EFHC2: variants seen among roughly 807,000 people sequenced by gnomAD.
EFHC2 encodes EF-hand domain containing 2, also known as EF-hand domain-containing family member C2.
Under a neutral mutation model 52.7 loss-of-function variants are expected in EFHC2, and 18 were observed. The ratio of observed to expected loss-of-function variants is 0.34; its 90% CI spans 0.24 to 0.51. The LOEUF is 0.51. EFHC2 is among the 20% of genes least tolerant of loss of function. The pLI is 0.97. For missense variants in EFHC2, 513 were observed against 562.5 expected, an observed-to-expected ratio of 0.91 and a Z score of 0.89; for synonymous variants, 203 against 204.1, an observed-to-expected ratio of 0.99 and a Z score of 0.04.
intron 2 of EFHC2, chrX:44,309,300 C>T: frequency 2.9e-6 from 2 of 682,218 alleles, no homozygotes; most frequent in Non-Finnish European, 4.6e-6. Context: ...AATAAGGGCA[C>T]ATCTTCAGTT....
At chrX:44,202,667 C>T (rs759276075) in intron 11 of EFHC2, among the ~76,000 whole-genome samples, 94 of 111,207 alleles carry the variant, frequency 8.5e-4, no homozygotes, top group Middle Eastern at 4.6e-3. Flanking sequence ...GGGTACCACA[C>T]CAGCTGTGCA....
chrX:44,309,845 G>T, intron 2 of EFHC2: 4 of 1,178,010 alleles, frequency 3.4e-6, no homozygotes, highest in South Asian at 1.8e-5. Context: ...CCAATCCAGC[G>T]CAAGGCCCAA....
chrX:44,169,249 G>A (rs1320185450), intron 13 of EFHC2, among the ~76,000 whole-genome samples: 1 of 110,577 alleles, frequency 9.0e-6, no homozygotes, highest in East Asian at 2.8e-4. Flanking sequence ...ATCCAAATTC[G>A]AGAGCTCTAA....
chrX:44,319,488 C>T lies in EFHC2; in HGVS notation c.43-6732G>A, dbSNP rs190753271. On this transcript the variant is annotated intron_variant, in intron 1 of 14. Transcript: ENST00000420999. The stretch of plus-strand genomic sequence containing the variant: ...GTAATGGAGACGATTTCAGAGGGCG[C>T]GCAAGAATGTTCATCTTCCTCTATC... Among the ~76,000 whole-genome samples the T allele has an allele frequency of 1.2e-3, 134 of 111,447 alleles. 1 individual carries two copies. The highest frequency in any genetic ancestry group is 4.0e-3 in the African/African-American group (124 of 30,659).
intron 1 of EFHC2, among the ~76,000 whole-genome samples, chrX:44,333,900 T>C (rs1254816081): frequency 9.0e-6 from 1 of 111,456 alleles, no homozygotes; most frequent in Non-Finnish European, 1.9e-5. Flanking sequence ...TGGTTACATG[T>C]AGTTGTGATG....
chrX:44,310,431 G>T, intron 2 of EFHC2: 3 of 976,282 alleles, frequency 3.1e-6, no homozygotes, highest in Non-Finnish European at 4.1e-6. Context: ...AGCTGCAGCT[G>T]CTGCGGGTCC....
chrX:44,220,967 C>T (rs901172270), intron 11 of EFHC2, among the ~76,000 whole-genome samples: 39 of 111,730 alleles, frequency 3.5e-4, no homozygotes, highest in Non-Finnish European at 7.4e-4. Flanking sequence ...TACCTGTTAC[C>T]ACACATGTTC....
At chrX:44,320,662 CTTTCAA>C (rs2038012918) in intron 1 of EFHC2, among the ~76,000 whole-genome samples, 1 of 110,906 alleles carries the variant, frequency 9.0e-6, no homozygotes, top group African/African-American at 3.3e-5. Flanking sequence ...ACACTCAAGT[CTTTCAA>C]CTCTTAGAGG....
At chrX:44,280,030 TACACACACACACACACAC>T (rs766337222) in intron 2 of EFHC2, among the ~76,000 whole-genome samples, 1 of 66,834 alleles carries the variant, frequency 1.5e-5, no homozygotes, top group African/African-American at 6.1e-5. Flanking sequence ...CCATCCCCCA[TACACACACACACACACAC>T]ACACACACAC....
intron 1 of EFHC2, among the ~76,000 whole-genome samples, chrX:44,335,916 T>G (rs1463152897): frequency 1.0e-5 from 1 of 99,637 alleles, no homozygotes; most frequent in Non-Finnish European, 2.1e-5. Context: ...AAAATGACTT[T>G]CAAAACTCAT....
chrX:44,232,633 G>A lies in EFHC2; in HGVS notation c.1468C>T (p.Pro490Ser). 8.3e-7 allele frequency: 1 copy of A among 1,197,697 alleles called. No individual in the cohort carries two copies. The highest frequency in any genetic ancestry group is 1.1e-6 in the Non-Finnish European group (1 of 888,188). ...TCACTTTTAAAGACTTCTTGTCCAG[G>A]CTTCTTAACGCGACTTCTTTTCAAG... ...MFLKRSRVKK[P>S]GQEVFKSELS... Residue 490 changes from proline (P) to serine (S), a missense_variant, in exon 10 of 15, where the codon CCT becomes TCT. Physicochemically the swap from Pro to Ser is moderately conservative, Grantham distance 74. Transcript: ENST00000420999.
chrX:44,198,278 C>A (rs1487191927), intron 11 of EFHC2, among the ~76,000 whole-genome samples: 1 of 111,487 alleles, frequency 9.0e-6, no homozygotes, highest in Non-Finnish European at 1.9e-5. Context: ...TTCTAAAATG[C>A]CAATAATTTT....
chrX:44,157,804 C>T (rs1049736892), intron 14 of EFHC2, among the ~76,000 whole-genome samples: 3 of 101,954 alleles, frequency 2.9e-5, no homozygotes, highest in Non-Finnish European at 5.9e-5. Context: ...TTATCAAATC[C>T]ATCTCCAGGA....
intron 14 of EFHC2, among the ~76,000 whole-genome samples, chrX:44,156,168 G>C (rs1413004407): frequency 8.9e-6 from 1 of 112,150 alleles, no homozygotes; most frequent in Non-Finnish European, 1.9e-5. Flanking sequence ...AATTCAAGTG[G>C]ACATAACCCG....
chrX:44,319,245 C>T (rs983258669), intron 1 of EFHC2, among the ~76,000 whole-genome samples: 1 of 110,527 alleles, frequency 9.0e-6, no homozygotes, highest in Admixed American at 9.7e-5. Context: ...TCAAGTAATC[C>T]GCCTGCCTCA....
intron 2 of EFHC2, among the ~76,000 whole-genome samples, chrX:44,299,126 G>A (rs1246341953): frequency 9.1e-6 from 1 of 110,332 alleles, no homozygotes; most frequent in African/African-American, 3.3e-5. Context: ...TAAAGTTTGC[G>A]GTTTAGTTAA....
At chrX:44,245,416 C>A (rs1458758420) in intron 7 of EFHC2, among the ~76,000 whole-genome samples, 1 of 112,365 alleles carries the variant, frequency 8.9e-6, no homozygotes, top group East Asian at 2.8e-4. Flanking sequence ...TACATTTGAT[C>A]CCTGTCCTTT....
intron 13 of EFHC2, among the ~76,000 whole-genome samples, chrX:44,172,201 A>G (rs758180105): frequency 8.9e-6 from 1 of 112,363 alleles, no homozygotes; most frequent in South Asian, 3.7e-4. Context: ...CTAGCTCAGG[A>G]CAGAGCTGCT....
chrX:44,277,019 G>A (rs111551059), intron 2 of EFHC2, among the ~76,000 whole-genome samples: 13,147 of 110,679 alleles, frequency 0.12, 739 homozygotes, highest in Admixed American at 0.25. Context: ...CCAGCATTTC[G>A]GAGGCCGAGG....
Sources: gnomAD v4.1 joint callset for allele counts (sites outside exome capture counted in the v4.1 genomes callset) on GRCh38, gnomAD v4.1.1 for gene constraint, MANE v1.5 for transcripts, NCBI Gene and HGNC (gene_info 2026-07-23, HGNC 2026-07-21) for gene names.